Variants in SCML4 observed in about 807,000 individuals in gnomAD.
SCML4 encodes sex comb on midleg-like protein 4.
A neutral mutation model predicts 41.1 loss-of-function variants in SCML4; 34 were observed. That is an observed-to-expected ratio of 0.83 (90% CI 0.63 to 1.10). SCML4 has a LOEUF of 1.10. Among genes scored for constraint, SCML4 ranks in the 50% least tolerant of loss-of-function variants. SCML4 has a pLI of 0.00. For missense variants in SCML4, 522 were observed against 534.1 expected (o/e 0.98, Z 0.22); for synonymous variants, 214 against 220.9 (o/e 0.97, Z 0.28).
chr6:107,768,742 T>A (rs926209618), intron 2 of SCML4, among the ~76,000 whole-genome samples: 2 of 152,194 alleles, frequency 1.3e-5, no homozygotes, highest in East Asian at 3.8e-4. Flanking sequence ...CAATAAATAT[T>A]TTGTATGATT....
chr6:107,725,331 T>C (rs1775854565), intron 5 of SCML4, among the ~76,000 whole-genome samples: 2 of 152,298 alleles, frequency 1.3e-5, no homozygotes, highest in Admixed American at 1.3e-4. Context: ...ATGCGTTGAT[T>C]TAAAAATTTT....
rs550106446 is a variant in SCML4 at position 107,753,090 on chromosome 6, G to A, written c.157-3277C>T. On this transcript the variant is annotated intron_variant, in intron 2 of 7. Coordinates refer to ENST00000369020, the MANE Select transcript of SCML4 (RefSeq NM_198081.5). The stretch of plus-strand genomic sequence containing the variant: ...TTAAAATATTTTTTTGCCCCACAAT[G>A]CGATACCACCTTTCTGGTAGCTGTT... Among the ~76,000 whole-genome samples the A allele has an allele frequency of 3.3e-5, 5 of 152,196 alleles. No homozygotes were observed. The East Asian group carries it at 7.7e-4, about 24-fold the overall frequency.
In SCML4 at chr6:107,751,615, T is replaced by TC. The variant is rs1562218785; in HGVS notation, c.157-1803_157-1802insG. Among the ~76,000 whole-genome samples the TC allele has an allele frequency of 6.4e-4, 94 of 147,704 alleles. No homozygotes were observed. In the East Asian group the frequency reaches 0.011, roughly 17 times the overall value. ...CTTTCTTTCTTTCTTTCTTTCTTTC[T>TC]TTCTTTCTTTCTTTCTTTCTTTCTT... On this transcript the variant is annotated intron_variant, in intron 2 of 7. Coordinates refer to ENST00000369020, the MANE Select transcript of SCML4 (RefSeq NM_198081.5).
rs1227216309 is a variant in SCML4 at position 107,772,350 on chromosome 6, G to GA, written c.-24dup. 6.5e-7 allele frequency: 1 copy of GA among 1,542,396 alleles called. No individual in the cohort carries two copies. The highest frequency in any genetic ancestry group is 1.4e-5 in the African/African-American group (1 of 72,566). On this transcript the variant is annotated 5_prime_UTR_variant, in exon 2 of 8. Coordinates refer to ENST00000369020, the MANE Select transcript of SCML4 (RefSeq NM_198081.5). The stretch of plus-strand genomic sequence containing the variant: ...CATTTCTGCTGGTGCCAGTCTTACA[G>GA]AATGAGGTGACAAATCGCTCACAGG...
At chr6:107,829,991 T>C in the SCML4 span, among the ~76,000 whole-genome samples, 1 of 152,188 alleles carries the variant, frequency 6.6e-6, no homozygotes, top group Non-Finnish European at 1.5e-5. Flanking sequence ...GTCCAAAGCC[T>C]GCTCCCACAT....
At chr6:107,776,410 A>G (rs1780952460) in intron 1 of SCML4, among the ~76,000 whole-genome samples, 1 of 152,180 alleles carries the variant, frequency 6.6e-6, no homozygotes, top group Non-Finnish European at 1.5e-5. Flanking sequence ...CACAGTAGAA[A>G]ATGAGCAAAG....
At chr6:107,784,558 G>A (rs1198703562) in intron 1 of SCML4, among the ~76,000 whole-genome samples, 1 of 152,200 alleles carries the variant, frequency 6.6e-6, no homozygotes, top group Non-Finnish European at 1.5e-5. Context: ...CTCTTGCTGG[G>A]GTGGGGAGAG....
chr6:107,743,327 G>A (rs952876420), intron 5 of SCML4, among the ~76,000 whole-genome samples: 1 of 152,144 alleles, frequency 6.6e-6, no homozygotes, highest in Non-Finnish European at 1.5e-5. Flanking sequence ...CGTAGTCAGG[G>A]AAGAACTAGT....
At chr6:107,802,520 G>T (rs973677632) in intron 1 of SCML4, among the ~76,000 whole-genome samples, 2 of 150,348 alleles carry the variant, frequency 1.3e-5, no homozygotes, top group Non-Finnish European at 3.0e-5. Context: ...GGAGAGAGGT[G>T]GGGGCAGAGC....
chr6:107,710,601 C>T (rs1295639566), intron 6 of SCML4, among the ~76,000 whole-genome samples: 35 of 97,732 alleles, frequency 3.6e-4, no homozygotes, highest in Non-Finnish European at 5.9e-4. Context: ...TATGGTGAAA[C>T]CCCGTCCCTA....
chr6:107,795,341 T>C (rs1782626256), intron 1 of SCML4, among the ~76,000 whole-genome samples: 2 of 152,230 alleles, frequency 1.3e-5, no homozygotes, highest in South Asian at 4.1e-4. Flanking sequence ...TTTGTGCAAC[T>C]AAAGTTTTCC....
At chr6:107,820,362 C>T (rs1380264216) in intron 1 of SCML4, among the ~76,000 whole-genome samples, 1 of 152,174 alleles carries the variant, frequency 6.6e-6, no homozygotes, top group Non-Finnish European at 1.5e-5. Flanking sequence ...CCACCAGTGA[C>T]CAGCCGCACT....
intron 5 of SCML4, among the ~76,000 whole-genome samples, chr6:107,721,913 G>C (rs1775461532): frequency 1.3e-5 from 2 of 152,110 alleles, no homozygotes; most frequent in African/African-American, 4.8e-5. Flanking sequence ...AGTGCAGAGG[G>C]AGGAGAGGAC....
intron 2 of SCML4, among the ~76,000 whole-genome samples, chr6:107,766,932 A>T (rs1351830165): frequency 1.3e-5 from 2 of 148,888 alleles, no homozygotes; most frequent in African/African-American, 5.0e-5. Context: ...CACTCTTCCC[A>T]TCTGTACTAT....
Position 107,744,875 on chromosome 6 carries a change from T to C in SCML4, c.682+74A>G, listed in dbSNP as rs991405683. 1.7e-5 allele frequency: 21 copies of C among 1,268,612 alleles called. No individual in the cohort carries two copies. In the South Asian group the frequency reaches 2.1e-4, roughly 13 times the overall value. The allele number at this position is 1,268,612 out of a possible 1,614,324, so 78.6% of individuals were successfully genotyped here. On this transcript the variant is annotated intron_variant, in intron 5 of 7. Coordinates refer to ENST00000369020, the MANE Select transcript of SCML4 (RefSeq NM_198081.5). ...ACTGCCAGGAGCTACAATGGCTCCC[T>C]CCATAGTGGAAGGGCAGAGACACCT...
intron 5 of SCML4, among the ~76,000 whole-genome samples, chr6:107,730,815 T>A (rs1167079536): frequency 6.6e-6 from 1 of 152,180 alleles, no homozygotes; most frequent in East Asian, 1.9e-4. Flanking sequence ...AAGAACACTC[T>A]AGAAGCATGT....
intron 2 of SCML4, among the ~76,000 whole-genome samples, chr6:107,771,557 A>G (rs139917227): frequency 6.6e-6 from 1 of 152,336 alleles, no homozygotes; most frequent in African/African-American, 2.4e-5. Flanking sequence ...ATCACTGCTA[A>G]TTCTTATAAG....
intron 1 of SCML4, among the ~76,000 whole-genome samples, chr6:107,804,308 A>G (rs1018330942): frequency 6.6e-6 from 1 of 152,136 alleles, no homozygotes; most frequent in Non-Finnish European, 1.5e-5. Flanking sequence ...AAGGTCTGCT[A>G]CAAAATAAGC....
intron 2 of SCML4, among the ~76,000 whole-genome samples, chr6:107,765,599 C>T (rs1251013993): frequency 6.6e-6 from 1 of 152,020 alleles, no homozygotes; most frequent in African/African-American, 2.4e-5. Context: ...CAGGAGGCTG[C>T]CCCATTCACA....
Sources: gnomAD v4.1 joint callset for allele counts (sites outside exome capture counted in the v4.1 genomes callset) on GRCh38, gnomAD v4.1.1 for gene constraint, MANE v1.5 for transcripts, NCBI Gene and HGNC (gene_info 2026-07-23, HGNC 2026-07-21) for gene names.